The following TMCO5A variants were observed in gnomAD, a reference collection of about 807,000 sequenced individuals.
TMCO5A encodes the protein transmembrane and coiled-coil domain-containing protein 5A.
TMCO5A carries 34 observed loss-of-function variants against 42.3 expected under a neutral mutation model. That is an observed-to-expected ratio of 0.80 (90% confidence interval 0.61 to 1.07). TMCO5A has a LOEUF of 1.07. TMCO5A is among the 50% of genes least tolerant of loss of function. The probability of loss-of-function intolerance (pLI) is 0.00; values close to 1 mark genes in which losing one functional copy is unlikely to be tolerated. For missense variants in TMCO5A, 357 were observed against 327.9 expected (o/e 1.09, Z -0.69); for synonymous variants, 131 against 115.6 (o/e 1.13, Z -0.86).
the TMCO5A span, among the ~76,000 whole-genome samples, chr15:37,989,488 A>T: frequency 2.6e-5 from 4 of 151,970 alleles, no homozygotes; most frequent in Admixed American, 2.6e-4. Context: ...AAGTTTTAGT[A>T]TGTTGTGTTT....
intron 11 of TMCO5A, among the ~76,000 whole-genome samples, chr15:37,948,144 C>CCTTT (rs1341740027): frequency 2.6e-5 from 4 of 152,042 alleles, no homozygotes; most frequent in Admixed American, 1.3e-4. Flanking sequence ...GAGCATCTAA[C>CCTTT]AGTATCCAAC....
chr15:37,997,410 T>A, the TMCO5A span, among the ~76,000 whole-genome samples: 2 of 152,220 alleles, frequency 1.3e-5, no homozygotes, highest in African/African-American at 4.8e-5. Context: ...TAAAAAGGTT[T>A]TTTCCCATAA....
At chr15:37,956,515 C>T (rs1211559699) in intron 11 of TMCO5A, among the ~76,000 whole-genome samples, 1 of 152,138 alleles carries the variant, frequency 6.6e-6, no homozygotes, top group Admixed American at 6.6e-5. Flanking sequence ...TTCCTGGATA[C>T]ATACACCCTC....
chr15:38,021,250 G>C, the TMCO5A span, among the ~76,000 whole-genome samples: 3 of 152,134 alleles, frequency 2.0e-5, no homozygotes, highest in Non-Finnish European at 4.4e-5. Flanking sequence ...ATCCTTCCTA[G>C]AAAATCCAAA....
the TMCO5A span, among the ~76,000 whole-genome samples, chr15:38,004,282 C>G: frequency 2.0e-5 from 3 of 151,868 alleles, no homozygotes; most frequent in Admixed American, 2.0e-4. Context: ...TATCCAAGTT[C>G]CAAGACAAAG....
At chr15:38,007,872 CTTTTTTTTTTTTTTTTTT>C in the TMCO5A span, among the ~76,000 whole-genome samples, 37 of 47,406 alleles carry the variant, frequency 7.8e-4, no homozygotes, top group Admixed American at 3.2e-3. Context: ...CTCACCCACA[CTTTTTTTTTTTTTTTTTT>C]TTTTTTTTTT....
intron 11 of TMCO5A, among the ~76,000 whole-genome samples, chr15:37,958,784 A>G (rs1391006350): frequency 2.0e-5 from 3 of 152,160 alleles, no homozygotes; most frequent in African/African-American, 7.2e-5. Context: ...TACCCAATGG[A>G]CTATAAATCA....
At chr15:38,002,602 A>G in the TMCO5A span, among the ~76,000 whole-genome samples, 3 of 151,820 alleles carry the variant, frequency 2.0e-5, no homozygotes, top group Non-Finnish European at 4.4e-5. Flanking sequence ...AAGCTCACTA[A>G]TTCTTCTGCT....
downstream of TMCO5A, among the ~76,000 whole-genome samples, chr15:37,952,069 T>G (rs968549653): frequency 5.3e-5 from 8 of 152,160 alleles, no homozygotes; most frequent in Admixed American, 3.9e-4. Context: ...AAACCAGCCC[T>G]AGCTAGAGGA....
downstream of TMCO5A, among the ~76,000 whole-genome samples, chr15:37,972,166 C>T (rs1307110505): frequency 2.0e-5 from 3 of 152,198 alleles, no homozygotes; most frequent in African/African-American, 7.2e-5. Context: ...CTCACAATTA[C>T]AGCAGAAGGC....
the TMCO5A span, among the ~76,000 whole-genome samples, chr15:38,022,808 G>A: frequency 6.6e-6 from 1 of 152,082 alleles, no homozygotes; most frequent in East Asian, 1.9e-4. Context: ...TGTTGTAAAT[G>A]TAAAACTGCC....
chr15:38,029,537 T>C, the TMCO5A span, among the ~76,000 whole-genome samples: 1 of 150,914 alleles, frequency 6.6e-6, no homozygotes, highest in African/African-American at 2.5e-5. Flanking sequence ...CATGGCTCAC[T>C]GCAACCTCAA....
the TMCO5A span, among the ~76,000 whole-genome samples, chr15:37,983,734 T>G: frequency 2.0e-5 from 3 of 151,346 alleles, no homozygotes; most frequent in African/African-American, 7.3e-5. Context: ...TTTTTTTGTT[T>G]TTTTTTTGAG....
the TMCO5A span, among the ~76,000 whole-genome samples, chr15:37,978,941 G>A: frequency 1.3e-5 from 2 of 151,516 alleles, no homozygotes; most frequent in Non-Finnish European, 2.9e-5. Flanking sequence ...GGTGGGTCGA[G>A]GGGCATTGCC....
intron 10 of TMCO5A, chr15:37,943,605 C>T: frequency 3.8e-6 from 2 of 532,288 alleles, no homozygotes; most frequent in Non-Finnish European, 3.3e-6. Context: ...TTCAGCCATA[C>T]AAATAACAGG....
At chr15:37,947,079 T>G (rs1889991453) in intron 10 of TMCO5A, among the ~76,000 whole-genome samples, 1 of 152,182 alleles carries the variant, frequency 6.6e-6, no homozygotes, top group Non-Finnish European at 1.5e-5. Flanking sequence ...TTGAATTTTA[T>G]CAGAGGCCTT....
chr15:38,012,193 C>G, the TMCO5A span, among the ~76,000 whole-genome samples: 5 of 152,088 alleles, frequency 3.3e-5, no homozygotes, highest in Non-Finnish European at 2.9e-5. Flanking sequence ...GATTTCCTTG[C>G]ATTTGGCACA....
chr15:37,957,168 T>C (rs1308709928), intron 11 of TMCO5A, among the ~76,000 whole-genome samples: 1 of 152,156 alleles, frequency 6.6e-6, no homozygotes, highest in East Asian at 1.9e-4. Context: ...GCATTCCCTT[T>C]GAATACCGGC....
At chr15:37,981,121 T>G in the TMCO5A span, among the ~76,000 whole-genome samples, 2 of 148,976 alleles carry the variant, frequency 1.3e-5, no homozygotes, top group Non-Finnish European at 3.0e-5. Context: ...CTGCATTCTT[T>G]GGAATCATAC....
Sources: allele counts gnomAD v4.1 joint callset (sites outside exome capture counted in the v4.1 genomes callset), GRCh38; gene constraint gnomAD v4.1.1; transcripts MANE v1.5; gene names NCBI Gene and HGNC (gene_info 2026-07-23, HGNC 2026-07-21).